MYO16: variants seen among roughly 807,000 people sequenced by gnomAD.
MYO16 encodes the protein unconventional myosin-XVI.
MYO16 carries 94 observed loss-of-function variants against 205.3 expected under a neutral mutation model. The observed-to-expected ratio is 0.46, with a 90% confidence interval of 0.39 to 0.54. The LOEUF (loss-of-function observed/expected upper bound fraction) is 0.54, where lower values mean the gene tolerates loss of function less well. Among genes scored for constraint, MYO16 ranks in the 20% least tolerant of loss-of-function variants. MYO16 has a pLI of 0.00. For missense variants in MYO16, 2,315 were observed against 2,387.5 expected, an observed-to-expected ratio of 0.97 and a Z score of 0.63; for synonymous variants, 988 against 954.0, an observed-to-expected ratio of 1.04 and a Z score of -0.66.
At chr13:108,728,362 C>G (rs1884410599) in intron 4 of MYO16, among the ~76,000 whole-genome samples, 1 of 152,146 alleles carries the variant, frequency 6.6e-6, no homozygotes, top group Admixed American at 6.5e-5. Flanking sequence ...GCTAAGAACT[C>G]AAGTTCATTG....
intron 3 of MYO16, among the ~76,000 whole-genome samples, chr13:108,716,851 T>G (rs191220473): frequency 6.6e-6 from 1 of 152,364 alleles, no homozygotes; most frequent in Admixed American, 6.5e-5. Context: ...GTTTTGGCCA[T>G]ATAGCATCTT....
intron 31 of MYO16, among the ~76,000 whole-genome samples, chr13:109,129,757 A>G (rs868221383): frequency 6.6e-6 from 1 of 152,210 alleles, no homozygotes; most frequent in Admixed American, 6.5e-5. Flanking sequence ...AATTGCAGCA[A>G]GTACAGAATG....
At chr13:109,152,952 T>C (rs2139839658) in intron 32 of MYO16, among the ~76,000 whole-genome samples, 2 of 152,310 alleles carry the variant, frequency 1.3e-5, no homozygotes, top group Admixed American at 1.3e-4. Context: ...TGGAATTGTA[T>C]GGATTTTTAA....
the MYO16 span, among the ~76,000 whole-genome samples, chr13:108,570,780 A>T: frequency 2.0e-5 from 3 of 152,362 alleles, no homozygotes; most frequent in East Asian, 1.9e-4. Flanking sequence ...TGAGCAAATC[A>T]GTTCATGATT....
chr13:108,599,210 A>G (rs1173964161), intron 1 of MYO16, among the ~76,000 whole-genome samples: 1 of 150,462 alleles, frequency 6.6e-6, no homozygotes. Context: ...CATGGTGTAT[A>G]TGTGCCACAT....
At chr13:109,016,381 A>C (rs1163841684) in intron 22 of MYO16, among the ~76,000 whole-genome samples, 1 of 152,148 alleles carries the variant, frequency 6.6e-6, no homozygotes, top group Non-Finnish European at 1.5e-5. Flanking sequence ...CTTTACTTCC[A>C]ATTATGTGGT....
intron 27 of MYO16, among the ~76,000 whole-genome samples, chr13:109,079,278 T>C (rs1888209159): frequency 1.3e-5 from 2 of 152,142 alleles, no homozygotes; most frequent in Admixed American, 1.3e-4. Context: ...TGATTGTCCA[T>C]TTTCAGTTGT....
chr13:108,908,368 G>C (rs890809548), intron 15 of MYO16, among the ~76,000 whole-genome samples: 1 of 152,184 alleles, frequency 6.6e-6, no homozygotes, highest in Admixed American at 6.5e-5. Context: ...TGTGATATCT[G>C]ATTAGCTAAA....
chr13:108,533,306 G>A, the MYO16 span, among the ~76,000 whole-genome samples: 1 of 152,154 alleles, frequency 6.6e-6, no homozygotes, highest in Non-Finnish European at 1.5e-5. Context: ...TGCATGGTAT[G>A]CCTCTGGGAC....
At chr13:108,624,121 C>A (rs1297057210) in intron 1 of MYO16, among the ~76,000 whole-genome samples, 1 of 152,098 alleles carries the variant, frequency 6.6e-6, no homozygotes, top group Non-Finnish European at 1.5e-5. Context: ...GAAGGAGAGG[C>A]TTCTTATTTA....
intron 1 of MYO16, among the ~76,000 whole-genome samples, chr13:108,661,970 G>C (rs1881522210): frequency 1.3e-5 from 2 of 152,148 alleles, no homozygotes; most frequent in African/African-American, 4.8e-5. Flanking sequence ...TCTGTCCTAT[G>C]GGGTGTTCCT....
At chr13:108,792,335 A>G (rs893110195) in intron 5 of MYO16, among the ~76,000 whole-genome samples, 5 of 152,202 alleles carry the variant, frequency 3.3e-5, no homozygotes, top group African/African-American at 1.2e-4. Context: ...ATTTTAGATT[A>G]CAAGAAAGTC....
intron 11 of MYO16, among the ~76,000 whole-genome samples, chr13:108,863,966 A>G (rs1429488592): frequency 6.6e-6 from 1 of 152,158 alleles, no homozygotes; most frequent in Non-Finnish European, 1.5e-5. Context: ...TGGCTACACT[A>G]TGGTTCATAA....
chr13:109,056,848 G>T (rs1887432567), intron 27 of MYO16, among the ~76,000 whole-genome samples: 1 of 152,050 alleles, frequency 6.6e-6, no homozygotes, highest in African/African-American at 2.4e-5. Context: ...TAAAATAAAT[G>T]AGATCTTAAA....
intron 10 of MYO16, among the ~76,000 whole-genome samples, chr13:108,852,381 G>A (rs559326742): frequency 1.1e-4 from 16 of 152,182 alleles, no homozygotes; most frequent in South Asian, 1.0e-3. Flanking sequence ...CTGGAATTCC[G>A]CCTGTTCCCC....
intron 9 of MYO16, among the ~76,000 whole-genome samples, chr13:108,841,249 C>T (rs563741941): frequency 2.6e-5 from 4 of 152,054 alleles, no homozygotes; most frequent in South Asian, 4.2e-4. Flanking sequence ...CTAGAGAGTC[C>T]CAAAGTAAAC....
chr13:108,999,969 A>G (rs920206205), intron 21 of MYO16, among the ~76,000 whole-genome samples: 26 of 152,186 alleles, frequency 1.7e-4, no homozygotes, highest in African/African-American at 6.3e-4. Context: ...TTTTTTCCAT[A>G]GTGGAATTTA....
intron 33 of MYO16, among the ~76,000 whole-genome samples, chr13:109,166,244 G>A (rs1039211041): frequency 6.6e-6 from 1 of 152,102 alleles, no homozygotes; most frequent in African/African-American, 2.4e-5. Flanking sequence ...AATTTCAGCA[G>A]AAATAGGAAA....
At chr13:109,126,973 G>C (rs1876281942) in intron 30 of MYO16, among the ~76,000 whole-genome samples, 1 of 152,248 alleles carries the variant, frequency 6.6e-6, no homozygotes, top group Non-Finnish European at 1.5e-5. Flanking sequence ...AATTCATTCA[G>C]TGAGTGCCTG....
Sources: allele counts gnomAD v4.1 joint callset (sites outside exome capture counted in the v4.1 genomes callset), GRCh38; gene constraint gnomAD v4.1.1; transcripts MANE v1.5; gene names NCBI Gene and HGNC (gene_info 2026-07-23, HGNC 2026-07-21).